Variants in TANC2 observed in about 807,000 individuals in gnomAD.
TANC2 encodes the protein tetratricopeptide repeat, ankyrin repeat and coiled-coil containing 2.
A neutral mutation model predicts 210.5 loss-of-function variants in TANC2; 26 were observed. The observed-to-expected ratio is 0.12, with a 90% CI of 0.09 to 0.17. The LOEUF is 0.17. Among genes scored for constraint, TANC2 ranks in the 10% least tolerant of loss-of-function variants. The pLI, the probability that TANC2 is intolerant of heterozygous loss-of-function variation, is 1.00. For synonymous variants in TANC2, 931 were observed against 967.1 expected, an observed-to-expected ratio of 0.96 and a Z score of 0.69; for missense variants, 2,129 against 2,608.9, an observed-to-expected ratio of 0.82 and a Z score of 4.01.
chr17:63,392,555 T>C (rs951929834), intron 17 of TANC2, among the ~76,000 whole-genome samples: 1 of 152,224 alleles, frequency 6.6e-6, no homozygotes, highest in Non-Finnish European at 1.5e-5. Flanking sequence ...TGAATTATTC[T>C]TGGAGTCTTC....
At chr17:63,205,372 A>AAAAAAAAAAAAAAAAAAAC (rs1472135033) in intron 7 of TANC2, among the ~76,000 whole-genome samples, 1 of 131,810 alleles carries the variant, frequency 7.6e-6, no homozygotes, top group African/African-American at 3.1e-5. Context: ...AAAAAAAAAA[A>AAAAAAAAAAAAAAAAAAAC]CCTCATACAC....
chr17:63,389,743 C>A, intron 17 of TANC2, 199 bp downstream of exon 17: 1 of 605,416 alleles, frequency 1.7e-6, no homozygotes, highest in South Asian at 2.0e-5. Flanking sequence ...AGTTCTAAAC[C>A]CTTTGAGAGG....
chr17:63,135,380 A>G (rs1235549165), intron 4 of TANC2, among the ~76,000 whole-genome samples: 1 of 152,220 alleles, frequency 6.6e-6, no homozygotes, highest in South Asian at 2.1e-4. Flanking sequence ...GAGTTACTCA[A>G]CAAAGAAAGA....
rs765236862 is a variant in TANC2 at position 63,392,512 on chromosome 17, C to G, written c.3051+2968C>G. Among the ~76,000 whole-genome samples, 4 of 152,160 alleles carry G rather than the reference C, an allele frequency of 2.6e-5. No homozygotes were observed. The East Asian group carries it at 5.8e-4, about 22-fold the overall frequency. The stretch of plus-strand genomic sequence containing the variant: ...CCTCAAAAGAGCTTGAGAAGCTACT[C>G]CTTGGTCTCTACCCCAACTGCCACT... On this transcript the variant is annotated intron_variant, in intron 17 of 27. Transcript: ENST00000689528.
chr17:63,101,316 A>T (rs975855161), intron 4 of TANC2, among the ~76,000 whole-genome samples: 2 of 152,194 alleles, frequency 1.3e-5, no homozygotes, highest in African/African-American at 4.8e-5. Flanking sequence ...CTTGGCATTA[A>T]TTATCAAAAT....
chr17:63,138,257 G>T (rs578160603), intron 4 of TANC2, among the ~76,000 whole-genome samples: 1 of 152,126 alleles, frequency 6.6e-6, no homozygotes, highest in Non-Finnish European at 1.5e-5. Flanking sequence ...TACTGAATAC[G>T]CATATTGAAT....
intron 4 of TANC2, among the ~76,000 whole-genome samples, chr17:63,122,329 G>A (rs190546305): frequency 1.3e-5 from 2 of 152,272 alleles, no homozygotes; most frequent in Admixed American, 6.5e-5. Flanking sequence ...AGTGTTCCAA[G>A]GAGCATGCTT....
chr17:63,055,965 CAAAAA>C (rs869063496), intron 2 of TANC2, among the ~76,000 whole-genome samples: 30 of 52,564 alleles, frequency 5.7e-4, no homozygotes, highest in Admixed American at 8.5e-4. Flanking sequence ...TCATCTCTAC[CAAAAA>C]AAAAAAAAAA....
Position 63,410,939 on chromosome 17 carries a change from C to T in TANC2, c.3590-572C>T, listed in dbSNP as rs952583358. ...GAATTTATTACATGCAAATAGTATA[C>T]ATAAAAAGAAATAATGGAATAAGTT... is the stretch of plus-strand genomic sequence containing the variant. On this transcript the variant is annotated intron_variant, in intron 21 of 27. Coordinates refer to ENST00000689528, the Ensembl canonical transcript of TANC2. Among the ~76,000 whole-genome samples, 19 of 131,554 alleles carry T rather than the reference C, an allele frequency of 1.4e-4. 1 individual carries two copies. Among genetic ancestry groups the T allele is most frequent in the African/African-American group, 5.1e-4 (18 of 35,616 alleles). 86.3% of individuals were successfully genotyped at this position (131,554 alleles called of 152,430 possible). A position where few individuals can be genotyped will look rare whatever the true frequency, so the allele number is the denominator to read the frequency against.
At chr17:62,974,389 T>G (rs1322707643) in intron 1 of TANC2, among the ~76,000 whole-genome samples, 1 of 152,228 alleles carries the variant, frequency 6.6e-6, no homozygotes, top group African/African-American at 2.4e-5. Flanking sequence ...CATATACATT[T>G]TTTGCAATAA....
rs73992112 is a variant in TANC2, at chr17:63,396,242, A to G, written c.3237+314A>G. ...AGATGAATTATTGAGGTGTAGTCAC[A>G]TGGTTAGATAATGTGGCACAGGAAC... On this transcript the variant is annotated intron_variant, in intron 18 of 27. Coordinates refer to ENST00000689528, the Ensembl canonical transcript of TANC2. 458 of 266,294 alleles carry G rather than the reference A, an allele frequency of 1.7e-3. 1 individual carries two copies. The highest frequency in any genetic ancestry group is 9.5e-3 in the African/African-American group (433 of 45,766). 16.5% of individuals were successfully genotyped at this position (266,294 alleles called of 1,614,324 possible).
At chr17:63,055,024 G>A (rs951301866) in intron 2 of TANC2, among the ~76,000 whole-genome samples, 1 of 152,080 alleles carries the variant, frequency 6.6e-6, no homozygotes, top group Non-Finnish European at 1.5e-5. Context: ...GATGAGCTTC[G>A]GCTAGATTAA....
At chr17:63,015,882 A>C (rs2034084974) in intron 2 of TANC2, among the ~76,000 whole-genome samples, 1 of 152,054 alleles carries the variant, frequency 6.6e-6, no homozygotes, top group Non-Finnish European at 1.5e-5. Flanking sequence ...TAAATTATTT[A>C]ATTAAAAAAC....
At chr17:63,419,115 C>T (rs987950428) in intron 27 of TANC2, among the ~76,000 whole-genome samples, 3 of 152,216 alleles carry the variant, frequency 2.0e-5, no homozygotes, top group Admixed American at 1.3e-4. Context: ...CTGCCCTCCT[C>T]CTCCCCAGCT....
chr17:63,020,370 C>T (rs1315167602), intron 2 of TANC2, among the ~76,000 whole-genome samples: 1 of 152,060 alleles, frequency 6.6e-6, no homozygotes, highest in Non-Finnish European at 1.5e-5. Flanking sequence ...GTGGTGTCAT[C>T]ATAGCTAACT....
At chr17:63,252,534 C>G (rs983068513) in intron 8 of TANC2, among the ~76,000 whole-genome samples, 15 of 152,004 alleles carry the variant, frequency 9.9e-5, no homozygotes, top group Non-Finnish European at 2.1e-4. Flanking sequence ...CCACTACCCC[C>G]ACCCCAGCGA....
chr17:63,071,426 G>A (rs533342201), intron 2 of TANC2, among the ~76,000 whole-genome samples: 66 of 152,106 alleles, frequency 4.3e-4, no homozygotes, highest in African/African-American at 1.5e-3. Context: ...CAAAGTGCTG[G>A]GATTACAGGT....
At chr17:63,278,684 T>C (rs2043968656) in intron 9 of TANC2, among the ~76,000 whole-genome samples, 1 of 152,200 alleles carries the variant, frequency 6.6e-6, no homozygotes, top group Non-Finnish European at 1.5e-5. Context: ...CCTATGTTTA[T>C]TGCAGCATTA....
intron 4 of TANC2, among the ~76,000 whole-genome samples, chr17:63,139,347 C>G (rs2039205079): frequency 6.6e-6 from 1 of 152,126 alleles, no homozygotes; most frequent in Admixed American, 6.5e-5. Context: ...TAGAGTTTGG[C>G]CGGGTGCAGT....
Sources: gnomAD v4.1 joint callset for allele counts (sites outside exome capture counted in the v4.1 genomes callset) on GRCh38, gnomAD v4.1.1 for gene constraint, MANE v1.5 for transcripts, NCBI Gene and HGNC (gene_info 2026-07-23, HGNC 2026-07-21) for gene names.